SETD1B: variants seen among roughly 807,000 people sequenced by gnomAD.
SETD1B encodes the protein histone-lysine N-methyltransferase SETD1B.
SETD1B carries 7 observed loss-of-function variants against 148.0 expected under a neutral mutation model. The ratio of observed to expected loss-of-function variants is 0.05; its 90% CI spans 0.03 to 0.09. SETD1B has a LOEUF of 0.09. Among genes scored for constraint, SETD1B ranks in the 10% least tolerant of loss-of-function variants. The pLI is 1.00. For synonymous variants in SETD1B, 1,361 were observed against 1,186.5 expected, an observed-to-expected ratio of 1.15 and a Z score of -3.02; for missense variants, 2,155 against 2,729.9, an observed-to-expected ratio of 0.79 and a Z score of 4.69.
the SETD1B span, among the ~76,000 whole-genome samples, chr12:121,798,663 TC>T: frequency 6.6e-6 from 1 of 152,308 alleles, no homozygotes; most frequent in East Asian, 1.9e-4. Flanking sequence ...TCCTTGTTAA[TC>T]CGAACAGGCC....
chr12:121,801,253 C>G (rs1435851189), upstream of SETD1B: 1 of 152,284 alleles, frequency 6.6e-6, no homozygotes, highest in Non-Finnish European at 1.5e-5. Flanking sequence ...TTTAAGCCCC[C>G]CCGTCTCCAA....
Position 121,830,153 on chromosome 12 carries a change from A to G in SETD1B, c.5815A>G (p.Ile1939Val). The G allele has an allele frequency of 6.4e-7, 1 of 1,551,424 alleles. No individual in the cohort carries two copies. Among genetic ancestry groups the G allele is most frequent in the Non-Finnish European group, 8.7e-7 (1 of 1,146,848 alleles). ...GCAGCACATTAACGTCAATGAGGAGATTACCTATGACTATAAGTTCCCCAT... is the reference window on the plus strand; with the variant it reads ...GCAGCACATTAACGTCAATGAGGAGGTTACCTATGACTATAAGTTCCCCAT... ...SKQHINVNEE[I>V]TYDYKFPIED... The change falls in exon 17 of 17, where the codon ATT becomes GTT. Residue 1939 changes from isoleucine (I) to valine (V), a missense_variant. Coordinates refer to ENST00000604567, the MANE Select transcript of SETD1B (RefSeq NM_001353345.2). This position sits in a 1 kb window ranked among gnomAD's most constrained non-coding sequence, Gnocchi z 5.7.
chr12:121,806,623 T>C (rs911934036), intron 4 of SETD1B, among the ~76,000 whole-genome samples: 2 of 152,122 alleles, frequency 1.3e-5, no homozygotes, highest in African/African-American at 4.8e-5. Flanking sequence ...GCCAGGAGTG[T>C]TGTTTCATTG....
chr12:121,828,113 C>G, intron 16 of SETD1B, 43 bp downstream of exon 16: 1 of 1,544,592 alleles, frequency 6.5e-7, no homozygotes, highest in Non-Finnish European at 8.7e-7. Context: ...TGCTCCTGCC[C>G]CTGGCCCTGC....
chr12:121,793,751 G>A, the SETD1B span: 1 of 936,108 alleles, frequency 1.1e-6, no homozygotes, highest in Admixed American at 4.0e-5. Flanking sequence ...CCTCCGCCAG[G>A]CAGCCTCCCG....
In SETD1B at chr12:121,805,799, G is replaced by A. The variant is rs2137544066; in HGVS notation, c.274-36G>A. ...GTTGTGTTTTCCCTTAGGTTTAAAC[G>A]TTCTTCAAACTCCCTTCCCCCTCGG... On this transcript the variant is annotated intron_variant, in intron 3 of 16. Transcript: ENST00000604567. The surrounding 1 kb of genome is among the most constrained non-coding windows in gnomAD (Gnocchi z 4.2). 10 of 1,537,080 alleles carry A rather than the reference G, an allele frequency of 6.5e-6. No individual in the cohort carries two copies. The highest frequency in any genetic ancestry group is 8.8e-6 in the Non-Finnish European group (10 of 1,138,162).
chr12:121,821,072 CTG>C (rs1303724202), intron 11 of SETD1B, among the ~76,000 whole-genome samples: 2 of 152,178 alleles, frequency 1.3e-5, no homozygotes, highest in Non-Finnish European at 2.9e-5. Flanking sequence ...AACCAATTCT[CTG>C]TGTGTATTGA....
At chr12:121,829,300 G>A (rs912321395) in intron 16 of SETD1B, among the ~76,000 whole-genome samples, 2 of 152,134 alleles carry the variant, frequency 1.3e-5, no homozygotes, top group East Asian at 1.9e-4. Context: ...AGCAGTGATG[G>A]GGGCCTGAGC....
the SETD1B span, among the ~76,000 whole-genome samples, chr12:121,792,195 G>A: frequency 2.4e-4 from 36 of 152,334 alleles, no homozygotes; most frequent in African/African-American, 8.2e-4. Flanking sequence ...TCCTAGGTCA[G>A]TGTCTGACCT....
At chr12:121,814,049 C>A in intron 6 of SETD1B, 57 bp from the exon 7 acceptor site, 2 of 1,413,212 alleles carry the variant, frequency 1.4e-6, no homozygotes, top group Non-Finnish European at 1.9e-6. Context: ...GAGGGGACTC[C>A]GAGAGCCCCT....
chr12:121,796,760 G>A, the SETD1B span, among the ~76,000 whole-genome samples: 4 of 152,324 alleles, frequency 2.6e-5, no homozygotes, highest in South Asian at 2.1e-4. Flanking sequence ...ATTATTGTCC[G>A]GCCAGGCGCG....
chr12:121,823,337 T>TGCCCCCC lies in SETD1B; in HGVS notation c.4758_4759insGCCCCCC (p.Pro1587AlafsTer23). The TGCCCCCC allele has an allele frequency of 1.2e-6, 1 of 809,482 alleles. No individual in the cohort carries two copies. The highest frequency in any genetic ancestry group is 1.8e-6 in the Non-Finnish European group (1 of 560,558). The allele number at this position is 809,482 out of a possible 1,614,324, so 50.1% of individuals were successfully genotyped here. A position where few individuals can be genotyped will look rare whatever the true frequency, so the allele number is the denominator to read the frequency against. ...GGATCCCAGCCCCTCCACCACCCCT[T>TGCCCCCC]CCCCCCCAGCCACCCCCACCCCCAC... On this transcript the variant is annotated frameshift_variant, in exon 12 of 17. Coordinates refer to ENST00000604567, the MANE Select transcript of SETD1B (RefSeq NM_001353345.2). LOFTEE classifies it high-confidence loss of function.
In SETD1B at chr12:121,810,746, C is replaced by T; in HGVS notation, c.1801C>T (p.Pro601Ser). ...GPRPPPEPGP[P>S]DPAGLLSQTA... ...TCGGCCTCCACCTGAGCCAGGCCCCCCGGACCCTGCTGGGCTTCTGAGCCA... is the reference window on the plus strand; with the variant it reads ...TCGGCCTCCACCTGAGCCAGGCCCCTCGGACCCTGCTGGGCTTCTGAGCCA... Residue 601 changes from proline (P) to serine (S), a missense_variant, in exon 6 of 17, where the codon CCG becomes TCG. Physicochemically the swap from Pro to Ser is moderately conservative, Grantham distance 74. Coordinates refer to ENST00000604567, the MANE Select transcript of SETD1B (RefSeq NM_001353345.2). This position sits in a 1 kb window ranked among gnomAD's most constrained non-coding sequence, Gnocchi z 7.6. The T allele has an allele frequency of 6.4e-7, 1 of 1,550,864 alleles. No homozygotes were observed. Among genetic ancestry groups the T allele is most frequent in the Non-Finnish European group, 8.7e-7 (1 of 1,146,540 alleles).
intron 6 of SETD1B, among the ~76,000 whole-genome samples, chr12:121,811,588 CT>C (rs943207972): frequency 1.1e-4 from 16 of 152,286 alleles, no homozygotes; most frequent in African/African-American, 3.1e-4. Context: ...CCAGGTTCCC[CT>C]GGGAGGGTGT....
rs1038372617 is a variant in SETD1B, at chr12:121,815,792, C to T, written c.2715+862C>T. Among the ~76,000 whole-genome samples, 8 of 150,726 alleles carry T rather than the reference C, an allele frequency of 5.3e-5. No homozygotes were observed. The East Asian group carries it at 1.4e-3, about 26-fold the overall frequency. On this transcript the variant is annotated intron_variant, in intron 7 of 16. Transcript: ENST00000604567. ...CTGGGATTATATGCGTCAGCCACCG[C>T]TCCTGGCCTACTTACTATTTTCTTT... is the stretch of plus-strand genomic sequence containing the variant.
chr12:121,804,484 C>T lies in SETD1B; in HGVS notation c.-14-240C>T, dbSNP rs1393734755. Among the ~76,000 whole-genome samples, 1 of 151,052 alleles carries T rather than the reference C, an allele frequency of 6.6e-6. No individual in the cohort carries two copies. Among genetic ancestry groups the T allele is most frequent in the Non-Finnish European group, 1.5e-5 (1 of 67,638 alleles). ...CCCGCCAGCCCGCCCAGGGGACCCC[C>T]GGGAGCCCCTCGCTGCCGCCCCGAG... is the stretch of plus-strand genomic sequence containing the variant. On this transcript the variant is annotated intron_variant, in intron 1 of 16. Transcript: ENST00000604567. The surrounding 1 kb of genome is among the most constrained non-coding windows in gnomAD (Gnocchi z 4.6).
At position 121,805,099 on chromosome 12, in the gene SETD1B, C is replaced by T. The variant is rs1376196155; in HGVS notation, c.175-19C>T. On this transcript the variant is annotated intron_variant, in intron 2 of 16. Coordinates refer to ENST00000604567, the MANE Select transcript of SETD1B (RefSeq NM_001353345.2). This position sits in a 1 kb window ranked among gnomAD's most constrained non-coding sequence, Gnocchi z 4.2. ...GGGGACCAGTTCTCTCATCCCGGCC[C>T]CCCAATTTCTCCCCACAGATGTCCA... 1.3e-6 allele frequency: 2 copies of T among 1,549,682 alleles called. No homozygotes were observed. Among genetic ancestry groups the T allele is most frequent in the African/African-American group, 1.4e-5 (1 of 73,008 alleles).
intron 12 of SETD1B, 85 bp from the exon 13 acceptor site, chr12:121,825,115 G>A: frequency 3.7e-6 from 5 of 1,367,366 alleles, no homozygotes; most frequent in Non-Finnish European, 5.0e-6. Flanking sequence ...TCCCTGAAGG[G>A]TGGTCTGAGG....
At chr12:121,801,916 A>AC (rs1302026151), upstream of SETD1B, 1 of 151,978 alleles carries the variant, frequency 6.6e-6, no homozygotes, top group Non-Finnish European at 1.5e-5. Context: ...CATAGAAAAT[A>AC]CCCCCCACTT....
Sources: gnomAD v4.1 joint callset for allele counts (sites outside exome capture counted in the v4.1 genomes callset) on GRCh38, gnomAD v4.1.1 for gene constraint, Gnocchi (gnomAD v3.1) non-coding constraint, MANE v1.5 for transcripts, NCBI Gene and HGNC (gene_info 2026-07-23, HGNC 2026-07-21) for gene names.